The following SLIT1 variants were observed in gnomAD, a reference collection of about 807,000 sequenced individuals.
SLIT1 encodes the protein slit homolog 1 protein.
In SLIT1, 66 loss-of-function variants were observed where a neutral mutation model predicts 186.1. That is an observed-to-expected ratio of 0.35 (90% CI 0.29 to 0.44). SLIT1 has a LOEUF of 0.44. Among genes scored for constraint, SLIT1 ranks in the 20% least tolerant of loss-of-function variants. The probability of loss-of-function intolerance (pLI) is 1.00; values close to 1 mark genes in which losing one functional copy is unlikely to be tolerated. For missense variants in SLIT1, 1,638 were observed against 2,037.4 expected (o/e 0.80, Z 3.77); for synonymous variants, 761 against 833.8 (o/e 0.91, Z 1.50).
Position 97,059,528 on chromosome 10 carries a change from G to A in SLIT1, c.1017C>T (p.Asp339=), listed in dbSNP as rs768375649. ...FSPYRKLRRI[D]LSNNQIAEIA... is the part of the protein sequence containing the mutation. ...TCTCAGCGATCTGATTGTTGCTCAG[G>A]TCTCTGCAAGGTGAGCAGAAGGAGA... Residue 339 remains aspartate, a synonymous_variant, in exon 11 of 37, where the codon GAC becomes GAT. Transcript: ENST00000266058. 6.2e-7 allele frequency: 1 copy of A among 1,613,488 alleles called. No homozygotes were observed. The highest frequency in any genetic ancestry group is 1.7e-5 in the Admixed American group (1 of 60,024).
intron 36 of SLIT1, 132 bp downstream of exon 36, chr10:97,002,026 A>G: frequency 3.8e-6 from 2 of 523,006 alleles, no homozygotes; most frequent in Non-Finnish European, 6.5e-6. Flanking sequence ...GGACTCTGAA[A>G]GCCCCATAGT....
chr10:97,141,014 C>T (rs113676239), intron 4 of SLIT1, among the ~76,000 whole-genome samples: 2 of 152,242 alleles, frequency 1.3e-5, no homozygotes, highest in African/African-American at 2.4e-5. Flanking sequence ...ATTAACCATC[C>T]GAAACACCGC....
chr10:97,178,251 T>TA (rs1423399206), intron 1 of SLIT1, among the ~76,000 whole-genome samples: 26 of 152,144 alleles, frequency 1.7e-4, no homozygotes, highest in Admixed American at 1.6e-3. Context: ...TAATTAAAGA[T>TA]AAAATCACCA....
chr10:97,105,509 C>T (rs1468334901), intron 4 of SLIT1, among the ~76,000 whole-genome samples: 1 of 152,110 alleles, frequency 6.6e-6, no homozygotes, highest in Admixed American at 6.6e-5. Flanking sequence ...CCTCCAGTGA[C>T]CGTGGTGTAA....
chr10:97,019,174 C>T, intron 26 of SLIT1, 67 bp from the exon 27 acceptor site: 1 of 1,044,800 alleles, frequency 9.6e-7, no homozygotes, highest in Non-Finnish European at 1.5e-6. Flanking sequence ...CACAGAGCAC[C>T]TCAACCCCGA....
chr10:97,104,708 T>G (rs1000158826), intron 4 of SLIT1, among the ~76,000 whole-genome samples: 1 of 151,868 alleles, frequency 6.6e-6, no homozygotes, highest in African/African-American at 2.4e-5. Context: ...ACATCTTCCC[T>G]CGTCTTTGCT....
chr10:97,165,594 C>T (rs963391801), intron 1 of SLIT1, among the ~76,000 whole-genome samples: 4 of 152,126 alleles, frequency 2.6e-5, no homozygotes, highest in Non-Finnish European at 4.4e-5. Flanking sequence ...GCCAGAGAGT[C>T]GGAAGCTGTC....
intron 4 of SLIT1, among the ~76,000 whole-genome samples, chr10:97,131,582 A>G (rs2784934): frequency 0.6 from 90,890 of 152,056 alleles, 28,111 homozygotes; most frequent in Non-Finnish European, 0.68. Flanking sequence ...TGTGAGTTCC[A>G]CCCTCTGGAG....
At position 97,122,886 on chromosome 10, in the gene SLIT1, ATATTTCACCTGTC is replaced by A. The variant is rs574071485; in HGVS notation, c.413+34919_413+34931del. On this transcript the variant is annotated intron_variant, in intron 4 of 36. Transcript: ENST00000266058. ...TGTGCCTCACCTGCTCAGCAGCTCT[ATATTTCACCTGTC>A]TATTTCACCTGTCTCTACCTTGAGG... Among the ~76,000 whole-genome samples, 619 of 152,154 alleles carry A rather than the reference ATATTTCACCTGTC, an allele frequency of 4.1e-3. 2 individuals carry two copies. The highest frequency in any genetic ancestry group is 0.012 in the African/African-American group (486 of 41,498).
intron 11 of SLIT1, among the ~76,000 whole-genome samples, chr10:97,058,843 G>A (rs1328285547): frequency 6.6e-6 from 1 of 152,206 alleles, no homozygotes; most frequent in Non-Finnish European, 1.5e-5. Flanking sequence ...ACAAAGTGCT[G>A]TAGGACCTCG....
chr10:97,031,507 C>T (rs764455054), intron 24 of SLIT1, 99 bp downstream of exon 24: 20 of 893,954 alleles, frequency 2.2e-5, no homozygotes, highest in South Asian at 1.3e-4. Context: ...CATGGCACAG[C>T]GTGGGCCCTA....
At chr10:97,017,131 C>G (rs1235854833) in intron 28 of SLIT1, among the ~76,000 whole-genome samples, 1 of 152,228 alleles carries the variant, frequency 6.6e-6, no homozygotes, top group Non-Finnish European at 1.5e-5. Context: ...GCTGCCCCAT[C>G]TCCCCATCTC....
At chr10:97,097,052 G>C (rs1418716503) in intron 4 of SLIT1, among the ~76,000 whole-genome samples, 1 of 152,168 alleles carries the variant, frequency 6.6e-6, no homozygotes, top group Non-Finnish European at 1.5e-5. Flanking sequence ...AGAGTGCACA[G>C]CGCCTGGCAC....
intron 14 of SLIT1, 48 bp from the exon 15 acceptor site, chr10:97,048,044 TG>T: frequency 6.2e-7 from 1 of 1,607,458 alleles, no homozygotes; most frequent in Non-Finnish European, 8.5e-7. Flanking sequence ...AGCCAGGACC[TG>T]CAGTAACAGC....
At chr10:97,109,711 G>A (rs1175096464) in intron 4 of SLIT1, among the ~76,000 whole-genome samples, 4 of 152,142 alleles carry the variant, frequency 2.6e-5, no homozygotes, top group Admixed American at 6.5e-5. Flanking sequence ...GGTGAGGGGC[G>A]GGTCTGGCGT....
In SLIT1 at chr10:97,004,871, G is replaced by C. The variant is rs371417161; in HGVS notation, c.3580-48C>G. The C allele has an allele frequency of 6.2e-7, 1 of 1,611,986 alleles. No homozygotes were observed. Among genetic ancestry groups the C allele is most frequent in the Non-Finnish European group, 8.5e-7 (1 of 1,178,498 alleles). ...CTCCCACCCCACCCCATGCAGCAGC[G>C]GCACAGGCTAGCAGATGGGGCAGAG... is the stretch of plus-strand genomic sequence containing the variant. On this transcript the variant is annotated intron_variant, in intron 32 of 36. Transcript: ENST00000266058. The surrounding 1 kb of genome is among the most constrained non-coding windows in gnomAD (Gnocchi z 5.1).
intron 25 of SLIT1, among the ~76,000 whole-genome samples, chr10:97,028,422 T>A (rs1848565214): frequency 6.6e-6 from 1 of 151,800 alleles, no homozygotes; most frequent in African/African-American, 2.4e-5. Flanking sequence ...AATTCCAATG[T>A]CCCTTTCCAG....
At chr10:97,163,514 G>T in intron 2 of SLIT1, 63 bp from the exon 3 acceptor site, 1 of 1,460,850 alleles carries the variant, frequency 6.8e-7, no homozygotes, top group Non-Finnish European at 9.6e-7. Flanking sequence ...AGAAACAGCT[G>T]GCACAACGGC....
intron 4 of SLIT1, among the ~76,000 whole-genome samples, chr10:97,125,564 C>T (rs928709183): frequency 3.0e-4 from 43 of 145,372 alleles, no homozygotes; most frequent in African/African-American, 7.8e-4. Context: ...GTAGGCCGGG[C>T]GCAGTGGCTC....
Sources: allele counts gnomAD v4.1 joint callset (sites outside exome capture counted in the v4.1 genomes callset), GRCh38; gene constraint gnomAD v4.1.1; non-coding constraint Gnocchi (gnomAD v3.1); transcripts MANE v1.5; gene names NCBI Gene and HGNC (gene_info 2026-07-23, HGNC 2026-07-21).